Variants in MAGED2 observed in about 807,000 individuals in gnomAD.
MAGED2 encodes MAGE family member D2.
A neutral mutation model predicts 41.7 loss-of-function variants in MAGED2; 6 were observed. That is an observed-to-expected ratio of 0.14 (90% CI 0.08 to 0.28). MAGED2 has a LOEUF of 0.28. Among genes scored for constraint, MAGED2 ranks in the 10% least tolerant of loss-of-function variants. The probability of loss-of-function intolerance (pLI) is 1.00; values close to 1 mark genes in which losing one functional copy is unlikely to be tolerated. For missense variants in MAGED2, 343 were observed against 486.4 expected (o/e 0.71, Z 2.77); for synonymous variants, 146 against 178.2 (o/e 0.82, Z 1.44).
chrX:54,811,422 A>C, intron 5 of MAGED2, 109 bp downstream of exon 5: 1 of 942,213 alleles, frequency 1.1e-6, no homozygotes, highest in African/African-American at 1.9e-5. Flanking sequence ...TGTCCTCCCA[A>C]AGTTCTGATT....
rs765245524 is a variant in MAGED2 at position 54,810,968 on chromosome X, G to T, written c.685G>T (p.Ala229Ser). 9.1e-6 allele frequency: 11 copies of T among 1,204,460 alleles called. No homozygotes were observed. The South Asian group carries it at 2.0e-4, about 22-fold the overall frequency. The change falls in exon 4 of 13, where the codon GCA becomes TCA. Residue 229 changes from alanine to serine, a missense_variant. By Grantham distance (99) the Ala-to-Ser change is moderately conservative. Around this residue, in one of 3 missense-constraint regions of MAGED2, gnomAD observed 195 missense variants for 221.2 expected, o/e 0.88. Coordinates refer to ENST00000375068, the MANE Select transcript of MAGED2 (RefSeq NM_177433.3). ...RGPIAFWARR[A>S]SRTRLAAWAR... ...TCCCATAGCCTTTTGGGCCCGCAGG[G>T]CATCAAGGACTCGGTTGGCTGCTTG...
At position 54,815,709 on chromosome X, in the gene MAGED2, G is replaced by A; in HGVS notation, c.*8+19G>A. On this transcript the variant is annotated intron_variant, in intron 12 of 12. Transcript: ENST00000375068. ...ATTTTAGGTATCTGCCTTGGTTTCAGTGGGGACATCTGGGGCTTATGGGGC... is the reference window on the plus strand; with the variant it reads ...ATTTTAGGTATCTGCCTTGGTTTCAATGGGGACATCTGGGGCTTATGGGGC... 9.3e-7 allele frequency: 1 copy of A among 1,069,598 alleles called. No homozygotes were observed. The highest frequency in any genetic ancestry group is 3.3e-5 in the East Asian group (1 of 30,309). 88.1% of individuals were successfully genotyped at this position (1,069,598 alleles called of 1,213,427 possible).
In MAGED2 at chrX:54,807,821, G is replaced by A; in HGVS notation, c.-30+19G>A. 8.8e-6 allele frequency: 1 copy of A among 113,168 alleles called. No individual in the cohort carries two copies. The allele number at this position is 113,168 out of a possible 1,213,427, so 9.3% of individuals were successfully genotyped here. A position where few individuals can be genotyped will look rare whatever the true frequency, so the allele number is the denominator to read the frequency against. On this transcript the variant is annotated intron_variant, in intron 1 of 12. Transcript: ENST00000375068. ...GGACAAGGTGAGGGGCGTTGATATT[G>A]GGGTTTTATGGAGGTCAGACAGTGG...
chrX:54,810,032 C>T lies in MAGED2; in HGVS notation c.356C>T (p.Pro119Leu). ...QNADPQAVTM[P>L]ATETKKVSHV... ...GCTGACCCGCAGGCTGTGACAATGCCTGCCACTGAGACCAAAAAGGTCAGC... is the reference window on the plus strand; with the variant it reads ...GCTGACCCGCAGGCTGTGACAATGCTTGCCACTGAGACCAAAAAGGTCAGC... The change falls in exon 3 of 13, where the codon CCT becomes CTT. Residue 119 changes from proline (P) to leucine (L), a missense_variant. This residue lies in a region of MAGED2 where 195 missense variants were observed against 221.2 expected (regional missense o/e 0.88). Coordinates refer to ENST00000375068, the MANE Select transcript of MAGED2 (RefSeq NM_177433.3). The T allele has an allele frequency of 8.3e-7, 1 of 1,208,732 alleles. No individual in the cohort carries two copies. The highest frequency in any genetic ancestry group is 1.1e-6 in the Non-Finnish European group (1 of 893,969).
chrX:54,809,889 G>A lies in MAGED2; in HGVS notation c.213G>A (p.Lys71=). ...SGVSKATEVS[K]TPEAREAPAT... Reference sequence around the variant, plus strand: ...TCTCAAAGGCCACAGAGGTCTCAAAGACCCCAGAGGCTCGGGAGGCACCTG... The same window carrying A: ...TCTCAAAGGCCACAGAGGTCTCAAAAACCCCAGAGGCTCGGGAGGCACCTG... The change falls in exon 3 of 13, where the codon AAG becomes AAA. Residue 71 remains lysine (K), a synonymous_variant. Transcript: ENST00000375068. 1 of 1,193,267 alleles carries A rather than the reference G, an allele frequency of 8.4e-7. No homozygotes were observed. The highest frequency in any genetic ancestry group is 1.1e-6 in the Non-Finnish European group (1 of 885,946).
chrX:54,815,129 C>G (rs976618795), intron 11 of MAGED2, 119 bp from the exon 12 acceptor site: 33 of 876,308 alleles, frequency 3.8e-5, no homozygotes, highest in Non-Finnish European at 4.9e-5. Context: ...TAGTGCCTAG[C>G]ATAAAGGTAG....
At chrX:54,814,442 CA>C (rs753538231) in intron 10 of MAGED2, 10 of 528,341 alleles carry the variant, frequency 1.9e-5, no homozygotes, top group Non-Finnish European at 3.1e-5. Flanking sequence ...AATCTGGGGT[CA>C]TTGTGATGAG....
rs779078378 is a variant in MAGED2, at chrX:54,815,388, G to A, written c.1527G>A (p.Ser509=). ...CTCGAATGGGCATTGGGCTCGGCTC[G>A]GAGAATGCTGCCGGGCCCTGCAACT... The part of the protein sequence containing the change: ...IRARMGIGLG[S]ENAAGPCNWD... The change falls in exon 12 of 13, where the codon TCG becomes TCA. Residue 509 remains serine, a synonymous_variant. Coordinates refer to ENST00000375068, the MANE Select transcript of MAGED2 (RefSeq NM_177433.3). The A allele has an allele frequency of 1.6e-5, 19 of 1,208,768 alleles. No homozygotes were observed. In the South Asian group the frequency reaches 2.8e-4, roughly 18 times the overall value.
rs767454532 is a variant in MAGED2, at chrX:54,814,455, G to A, written c.1272-206G>A. ...GGAATCTGGGGTCATTGTGATGAGG[G>A]CGTCAAACTTGTGGCTTCCCTATGA... On this transcript the variant is annotated intron_variant, in intron 10 of 12. Transcript: ENST00000375068. The A allele has an allele frequency of 2.1e-5, 11 of 534,654 alleles. No individual in the cohort carries two copies. In the East Asian group the frequency reaches 3.8e-4, roughly 19 times the overall value. 44.1% of individuals were successfully genotyped at this position (534,654 alleles called of 1,213,427 possible).
At chrX:54,814,124 GGTA>G (rs1278986269) in intron 10 of MAGED2, among the ~76,000 whole-genome samples, 3 of 112,340 alleles carry the variant, frequency 2.7e-5, no homozygotes, top group African/African-American at 9.7e-5. Context: ...GCCCACAGCT[GGTA>G]TGGGCCTGGA....
intron 11 of MAGED2, 24 bp downstream of exon 11, chrX:54,814,799 T>C (rs770234720): frequency 3.5e-6 from 4 of 1,143,704 alleles, no homozygotes; most frequent in Non-Finnish European, 1.2e-6. Flanking sequence ...TCCTTGAGCT[T>C]GGCAAGTCAA....
intron 10 of MAGED2, 70 bp downstream of exon 10, chrX:54,813,620 G>A (rs1192402939): frequency 1.9e-5 from 17 of 873,821 alleles, no homozygotes; most frequent in African/African-American, 9.8e-5. Flanking sequence ...TGATAAAGCC[G>A]TGGTGCATGG....
In MAGED2 at chrX:54,812,051, T is replaced by C. The variant is rs1405825485; in HGVS notation, c.991-106T>C. On this transcript the variant is annotated intron_variant, in intron 6 of 12. Coordinates refer to ENST00000375068, the MANE Select transcript of MAGED2 (RefSeq NM_177433.3). ...TTAGCTATGTACTTTGTGCGTATTATCTCACTGATTTCTCACACATGCGAA... is the reference window on the plus strand; with the variant it reads ...TTAGCTATGTACTTTGTGCGTATTACCTCACTGATTTCTCACACATGCGAA... 5 of 505,885 alleles carry C rather than the reference T, an allele frequency of 9.9e-6. No homozygotes were observed. In the East Asian group the frequency reaches 1.8e-4, roughly 18 times the overall value. 41.7% of individuals were successfully genotyped at this position (505,885 alleles called of 1,213,427 possible). A position where few individuals can be genotyped will look rare whatever the true frequency, so the allele number is the denominator to read the frequency against.
chrX:54,812,288 G>T, intron 7 of MAGED2, 37 bp downstream of exon 7: 1 of 913,091 alleles, frequency 1.1e-6, no homozygotes, highest in Non-Finnish European at 1.6e-6. Flanking sequence ...GGGGGCTTCT[G>T]CTTTGGCCAT....
chrX:54,810,270 T>C, intron 3 of MAGED2, 57 bp downstream of exon 3: 1 of 754,980 alleles, frequency 1.3e-6, no homozygotes, highest in Non-Finnish European at 1.9e-6. Context: ...GTTGATTCAT[T>C]TGTTCTACAA....
chrX:54,812,218 C>G lies in MAGED2; in HGVS notation c.1052C>G (p.Thr351Ser). The G allele has an allele frequency of 8.3e-7, 1 of 1,199,801 alleles. No homozygotes were observed. The highest frequency in any genetic ancestry group is 1.1e-6 in the Non-Finnish European group (1 of 887,936). Reference protein sequence around the residue: ...KNDHLYILLSTLEPTDAGILG... With the variant: ...KNDHLYILLSSLEPTDAGILG... ...GACCACTTGTACATTCTTCTCAGCA[C>G]CTTAGAGCCCACTGATGCAGGCATA... The change falls in exon 7 of 13, where the codon ACC becomes AGC. Residue 351 changes from threonine (T) to serine (S), a missense_variant. Around this residue, in one of 3 missense-constraint regions of MAGED2, gnomAD observed 95 missense variants for 204.8 expected, o/e 0.46. Transcript: ENST00000375068.
intron 10 of MAGED2, among the ~76,000 whole-genome samples, chrX:54,813,994 C>A (rs1929885267): frequency 8.9e-6 from 1 of 112,330 alleles, no homozygotes; most frequent in Admixed American, 9.4e-5. Flanking sequence ...CAACCAGGTA[C>A]CATGCTGGGG....
intron 9 of MAGED2, 30 bp from the exon 10 acceptor site, chrX:54,813,458 G>A (rs1241070334): frequency 2.6e-6 from 3 of 1,159,108 alleles, no homozygotes; most frequent in South Asian, 1.8e-5. Context: ...GAATTTATTT[G>A]TTTATTTATT....
chrX:54,814,850 G>A, intron 11 of MAGED2, 75 bp downstream of exon 11: 1 of 697,706 alleles, frequency 1.4e-6, no homozygotes, highest in Non-Finnish European at 2.3e-6. Flanking sequence ...TGTGTGCAGA[G>A]CAGCCTGCAG....
Sources: gnomAD v4.1 joint callset for allele counts (sites outside exome capture counted in the v4.1 genomes callset) on GRCh38, gnomAD v4.1.1 for gene constraint, gnomAD v4.1.1 regional missense constraint, MANE v1.5 for transcripts, NCBI Gene and HGNC (gene_info 2026-07-23, HGNC 2026-07-21) for gene names.